CTNNA3: variants seen among roughly 807,000 people sequenced by gnomAD.
CTNNA3 encodes catenin alpha 3, also known as catenin alpha-3.
CTNNA3 carries 76 observed loss-of-function variants against 95.7 expected under a neutral mutation model. The ratio of observed to expected loss-of-function variants is 0.79; its 90% CI spans 0.66 to 0.96. The LOEUF (loss-of-function observed/expected upper bound fraction) is 0.96. Among genes scored for constraint, CTNNA3 ranks in the 40% least tolerant of loss-of-function variants. The pLI is 0.00. For synonymous variants in CTNNA3, 431 were observed against 374.4 expected, an observed-to-expected ratio of 1.15 and a Z score of -1.74; for missense variants, 1,191 against 1,089.8, an observed-to-expected ratio of 1.09 and a Z score of -1.31.
chr10:67,340,265 C>G (rs2132611503), intron 5 of CTNNA3, among the ~76,000 whole-genome samples: 1 of 151,804 alleles, frequency 6.6e-6, no homozygotes, highest in South Asian at 2.1e-4. Flanking sequence ...AATAATATTA[C>G]CAGAATATTC....
chr10:66,511,708 C>T (rs897255732), intron 11 of CTNNA3, among the ~76,000 whole-genome samples: 1 of 151,770 alleles, frequency 6.6e-6, no homozygotes, highest in Non-Finnish European at 1.5e-5. Context: ...TAATTATAAT[C>T]CACTGAAACC....
chr10:66,925,056 T>C (rs150556222), intron 7 of CTNNA3, among the ~76,000 whole-genome samples: 167 of 152,280 alleles, frequency 1.1e-3, no homozygotes, highest in African/African-American at 3.8e-3. Context: ...CTTGCCCCAA[T>C]CCTTTAATCG....
chr10:66,033,032 A>G (rs2079479811), intron 15 of CTNNA3, among the ~76,000 whole-genome samples: 1 of 151,504 alleles, frequency 6.6e-6, no homozygotes, highest in Non-Finnish European at 1.5e-5. Flanking sequence ...TGGGCTCGAC[A>G]TGTTCATCTC....
chr10:66,346,242 T>TAG (rs1347078009), intron 12 of CTNNA3, among the ~76,000 whole-genome samples: 50 of 8,828 alleles, frequency 5.7e-3, no homozygotes, highest in African/African-American at 0.019. Context: ...TATATATATA[T>TAG]ATATAGAGAG....
Position 67,721,362 on chromosome 10 carries a change from T to C in CTNNA3, c.-2+42072A>G, listed in dbSNP as rs548725250. ...TGGAGGCTTTGTTCATTCCTTTTCA[T>C]TTTTTTTTCTTTAATCTTGTCTTCA... On this transcript the variant is annotated intron_variant, in intron 1 of 17. Transcript: ENST00000684154. Among the ~76,000 whole-genome samples, 43 of 151,496 alleles carry C rather than the reference T, an allele frequency of 2.8e-4. No homozygotes were observed. The South Asian group carries it at 6.3e-3, about 22-fold the overall frequency.
chr10:66,085,369 T>C (rs1199538232), intron 14 of CTNNA3, among the ~76,000 whole-genome samples: 1 of 152,158 alleles, frequency 6.6e-6, no homozygotes, highest in Non-Finnish European at 1.5e-5. Context: ...TTTGTTGGTA[T>C]AATTTAACCA....
chr10:66,806,481 T>A (rs1841648750), intron 7 of CTNNA3, among the ~76,000 whole-genome samples: 1 of 152,040 alleles, frequency 6.6e-6, no homozygotes, highest in Admixed American at 6.6e-5. Flanking sequence ...ACGAGGCATA[T>A]TGTAGAAAGA....
chr10:66,124,931 A>G (rs761875506), intron 13 of CTNNA3, among the ~76,000 whole-genome samples: 31 of 152,186 alleles, frequency 2.0e-4, no homozygotes, highest in Non-Finnish European at 3.1e-4. Flanking sequence ...ACACAGCCAA[A>G]CCATATCACC....
intron 5 of CTNNA3, among the ~76,000 whole-genome samples, chr10:67,399,112 G>A (rs188018708): frequency 3.4e-4 from 51 of 152,198 alleles, no homozygotes; most frequent in African/African-American, 1.2e-3. Flanking sequence ...GAGAAAGGGT[G>A]GGTCTTGCTG....
chr10:66,388,764 GA>G (rs2092913247), intron 11 of CTNNA3, among the ~76,000 whole-genome samples: 1 of 152,068 alleles, frequency 6.6e-6, no homozygotes, highest in Non-Finnish European at 1.5e-5. Flanking sequence ...AATGATCTTT[GA>G]AATTACTAAG....
At chr10:66,288,872 C>A (rs1330860883) in intron 12 of CTNNA3, among the ~76,000 whole-genome samples, 1 of 151,988 alleles carries the variant, frequency 6.6e-6, no homozygotes, top group Non-Finnish European at 1.5e-5. Flanking sequence ...TGGGCTATTG[C>A]AAAATTGTAT....
chr10:67,374,260 C>T (rs1333493420), intron 5 of CTNNA3, among the ~76,000 whole-genome samples: 2 of 152,116 alleles, frequency 1.3e-5, no homozygotes, highest in Non-Finnish European at 2.9e-5. Context: ...GTGGGTGTGA[C>T]TGTGTTCTAA....
At chr10:67,120,720 C>T (rs1859423831) in intron 7 of CTNNA3, among the ~76,000 whole-genome samples, 1 of 151,986 alleles carries the variant, frequency 6.6e-6, no homozygotes, top group African/African-American at 2.4e-5. Context: ...TGCCCATTTT[C>T]TTGATGAATA....
chr10:67,544,638 G>A (rs1226618771), intron 3 of CTNNA3, among the ~76,000 whole-genome samples: 1 of 152,152 alleles, frequency 6.6e-6, no homozygotes, highest in Admixed American at 6.5e-5. Flanking sequence ...AACCACCCAA[G>A]GCTAGGGAAA....
chr10:66,084,480 T>C (rs975479589), intron 14 of CTNNA3, among the ~76,000 whole-genome samples: 2 of 152,138 alleles, frequency 1.3e-5, no homozygotes, highest in African/African-American at 4.8e-5. Context: ...TACCAGAAAT[T>C]GAAGATGATT....
chr10:67,496,635 A>G (rs1052319788), intron 5 of CTNNA3, among the ~76,000 whole-genome samples: 1 of 152,182 alleles, frequency 6.6e-6, no homozygotes, highest in African/African-American at 2.4e-5. Flanking sequence ...TAATTTTGAG[A>G]GCATGGTTAT....
chr10:66,203,565 C>T (rs1466596364), intron 13 of CTNNA3, among the ~76,000 whole-genome samples: 1 of 151,974 alleles, frequency 6.6e-6, no homozygotes, highest in Non-Finnish European at 1.5e-5. Flanking sequence ...ATAATTATAA[C>T]ATAGGCTTAA....
intron 11 of CTNNA3, among the ~76,000 whole-genome samples, chr10:66,450,100 GT>G (rs1472190042): frequency 6.6e-6 from 1 of 151,934 alleles, no homozygotes; most frequent in East Asian, 1.9e-4. Flanking sequence ...CCATTCTGCA[GT>G]TTAGAGAGTA....
intron 13 of CTNNA3, among the ~76,000 whole-genome samples, chr10:66,238,020 T>C (rs996347831): frequency 5.3e-5 from 8 of 152,056 alleles, no homozygotes; most frequent in Admixed American, 2.0e-4. Flanking sequence ...TTTCAACATA[T>C]AAAATAATCA....
Sources: allele counts gnomAD v4.1 joint callset (sites outside exome capture counted in the v4.1 genomes callset), GRCh38; gene constraint gnomAD v4.1.1; transcripts MANE v1.5; gene names NCBI Gene and HGNC (gene_info 2026-07-23, HGNC 2026-07-21).